MAGI2: variants seen among roughly 807,000 people sequenced by gnomAD.
MAGI2 encodes the protein membrane associated guanylate kinase, WW and PDZ domain containing 2.
Under a neutral mutation model 133.3 loss-of-function variants are expected in MAGI2, and 35 were observed. The ratio of observed to expected loss-of-function variants is 0.26; its 90% confidence interval spans 0.20 to 0.35. The LOEUF is 0.35. Among genes scored for constraint, MAGI2 ranks in the 10% least tolerant of loss-of-function variants. The pLI is 1.00. For missense variants in MAGI2, 1,636 were observed against 1,863.4 expected (o/e 0.88, Z 2.25); for synonymous variants, 729 against 710.6 (o/e 1.03, Z -0.41).
intron 2 of MAGI2, among the ~76,000 whole-genome samples, chr7:78,924,093 G>A (rs1046041708): frequency 2.6e-5 from 4 of 152,046 alleles, no homozygotes; most frequent in African/African-American, 9.7e-5. Context: ...GGAGATTTTG[G>A]GCTGAGACAA....
chr7:79,272,174 C>A (rs140754814), intron 1 of MAGI2, among the ~76,000 whole-genome samples: 1 of 152,180 alleles, frequency 6.6e-6, no homozygotes, highest in East Asian at 1.9e-4. Flanking sequence ...AGAAATAACA[C>A]TGGTACATTC....
At chr7:79,390,092 T>C (rs376227068) in intron 1 of MAGI2, among the ~76,000 whole-genome samples, 1 of 152,310 alleles carries the variant, frequency 6.6e-6, no homozygotes, top group African/African-American at 2.4e-5. Flanking sequence ...TTTAGATGTG[T>C]GTTCAGAGAA....
chr7:78,670,283 C>T (rs1004742545), intron 2 of MAGI2, among the ~76,000 whole-genome samples: 8 of 152,058 alleles, frequency 5.3e-5, no homozygotes, highest in South Asian at 4.1e-4. Context: ...CAATAACAGA[C>T]AAACAGAGAG....
chr7:79,297,247 T>C (rs1420891069), intron 1 of MAGI2, among the ~76,000 whole-genome samples: 1 of 152,216 alleles, frequency 6.6e-6, no homozygotes, highest in Non-Finnish European at 1.5e-5. Context: ...GTAAAAGATG[T>C]AATTTTTCAA....
chr7:78,296,384 C>A (rs541271964), intron 9 of MAGI2, among the ~76,000 whole-genome samples: 66 of 152,146 alleles, frequency 4.3e-4, no homozygotes, highest in Non-Finnish European at 7.6e-4. Flanking sequence ...GCCTAGTATG[C>A]CCTTGCCTCA....
chr7:78,335,811 A>C (rs1396405372), intron 9 of MAGI2, among the ~76,000 whole-genome samples: 2 of 152,210 alleles, frequency 1.3e-5, no homozygotes, highest in East Asian at 3.9e-4. Context: ...GTTTATGGGA[A>C]ACAATATATT....
chr7:78,919,923 T>C (rs1259148499), intron 2 of MAGI2, among the ~76,000 whole-genome samples: 1 of 152,136 alleles, frequency 6.6e-6, no homozygotes, highest in Non-Finnish European at 1.5e-5. Context: ...TGATTATGTA[T>C]GCAGTGAGGT....
At chr7:78,385,676 G>A (rs1032846029) in intron 6 of MAGI2, among the ~76,000 whole-genome samples, 3 of 152,128 alleles carry the variant, frequency 2.0e-5, no homozygotes, top group African/African-American at 4.8e-5. Context: ...TAATCCAGGT[G>A]GAGATACTGA....
At chr7:78,963,509 A>G (rs1803039481) in intron 2 of MAGI2, among the ~76,000 whole-genome samples, 1 of 152,046 alleles carries the variant, frequency 6.6e-6, no homozygotes, top group Non-Finnish European at 1.5e-5. Context: ...CCTTTTTTAT[A>G]TTTTCAAAAT....
intron 13 of MAGI2, among the ~76,000 whole-genome samples, chr7:78,180,536 A>T (rs1385652743): frequency 6.6e-6 from 1 of 152,182 alleles, no homozygotes; most frequent in Non-Finnish European, 1.5e-5. Flanking sequence ...AGATTTTAGC[A>T]AGTAAATTTT....
Position 79,198,314 on chromosome 7 carries a change from T to C in MAGI2, c.302-191108A>G, listed in dbSNP as rs186974934. On this transcript the variant is annotated intron_variant, in intron 1 of 21. Transcript: ENST00000354212. ...ACAGCAAGGGCCTTGAAAAGCACAT[T>C]AGTACAGTGCTGCCATTTGCACAGG... 7.2e-5 allele frequency among the ~76,000 whole-genome samples: 11 copies of C among 151,830 alleles called. 1 individual carries two copies. The East Asian group carries it at 2.1e-3, about 30-fold the overall frequency.
chr7:78,344,299 G>A (rs1790681508), intron 8 of MAGI2, among the ~76,000 whole-genome samples: 2 of 152,282 alleles, frequency 1.3e-5, no homozygotes, highest in Middle Eastern at 3.4e-3. Context: ...AGGACAAGGA[G>A]CCCAAATCAT....
intron 2 of MAGI2, among the ~76,000 whole-genome samples, chr7:78,738,581 T>C (rs1822094377): frequency 6.6e-6 from 1 of 152,156 alleles, no homozygotes; most frequent in African/African-American, 2.4e-5. Flanking sequence ...TTTCAAAGGG[T>C]GCATTTTATG....
chr7:78,471,861 G>T (rs563397633), intron 6 of MAGI2, among the ~76,000 whole-genome samples: 2 of 151,970 alleles, frequency 1.3e-5, no homozygotes, highest in African/African-American at 2.4e-5. Flanking sequence ...GGAGATGGAG[G>T]TTGCAGTGAG....
intron 3 of MAGI2, among the ~76,000 whole-genome samples, chr7:78,589,136 G>C (rs925743927): frequency 6.6e-6 from 1 of 152,050 alleles, no homozygotes; most frequent in Non-Finnish European, 1.5e-5. Context: ...TTACGGTCTG[G>C]CCATAAATGT....
At chr7:78,117,148 C>T (rs920560203) in intron 20 of MAGI2, among the ~76,000 whole-genome samples, 2 of 151,070 alleles carry the variant, frequency 1.3e-5, no homozygotes, top group Admixed American at 6.6e-5. Context: ...CAACTGTAAA[C>T]AACAGCAACA....
intron 1 of MAGI2, among the ~76,000 whole-genome samples, chr7:79,282,017 T>C (rs1200481244): frequency 1.3e-5 from 2 of 152,160 alleles, no homozygotes; most frequent in African/African-American, 4.8e-5. Context: ...TTACAGAATT[T>C]TATAGAAATT....
chr7:78,333,838 C>T (rs984912138), intron 9 of MAGI2, among the ~76,000 whole-genome samples: 4 of 152,184 alleles, frequency 2.6e-5, no homozygotes, highest in Admixed American at 6.5e-5. Flanking sequence ...TAGGAGACAG[C>T]GACCTGCCTG....
chr7:79,299,281 G>C (rs189498898), intron 1 of MAGI2, among the ~76,000 whole-genome samples: 2 of 152,090 alleles, frequency 1.3e-5, no homozygotes, highest in East Asian at 1.9e-4. Flanking sequence ...AGAATAAATG[G>C]TATTTAGGTA....
Sources: allele counts gnomAD v4.1 joint callset (sites outside exome capture counted in the v4.1 genomes callset), GRCh38; gene constraint gnomAD v4.1.1; transcripts MANE v1.5; gene names NCBI Gene and HGNC (gene_info 2026-07-23, HGNC 2026-07-21).